Variants in RYR1 observed in about 807,000 individuals in gnomAD.
The protein encoded by RYR1 is ryanodine receptor 1.
A neutral mutation model predicts 583.5 loss-of-function variants in RYR1; 342 were observed. The ratio of observed to expected loss-of-function variants is 0.59; its 90% CI spans 0.54 to 0.64. The LOEUF is 0.64. RYR1 is among the 30% of genes least tolerant of loss of function. RYR1 has a pLI of 0.00. For synonymous variants in RYR1, 2,791 were observed against 2,822.5 expected, an observed-to-expected ratio of 0.99 and a Z score of 0.35; for missense variants, 6,032 against 6,917.2, an observed-to-expected ratio of 0.87 and a Z score of 4.54.
At chr19:38,442,830 C>T (rs1262324898) in intron 3 of RYR1, among the ~76,000 whole-genome samples, 1 of 152,190 alleles carries the variant, frequency 6.6e-6, no homozygotes, top group Non-Finnish European at 1.5e-5. Flanking sequence ...CTGCTCCTTT[C>T]TCCTCTTTCC....
At chr19:38,472,005 C>A (rs1302410238) in intron 27 of RYR1, among the ~76,000 whole-genome samples, 1 of 151,402 alleles carries the variant, frequency 6.6e-6, no homozygotes, top group Non-Finnish European at 1.5e-5. Flanking sequence ...ATCTTGGCAA[C>A]TGGTCCTTGG....
At chr19:38,550,069 TTTGAAACAC>T (rs1972602457) in intron 89 of RYR1, among the ~76,000 whole-genome samples, 2 of 152,036 alleles carry the variant, frequency 1.3e-5, no homozygotes, top group Admixed American at 1.3e-4. Flanking sequence ...TTCCCTTTAC[TTTGAAACAC>T]TTCAGCGTGT....
At chr19:38,514,307 G>T (rs1254697033) in intron 63 of RYR1, among the ~76,000 whole-genome samples, 4 of 146,150 alleles carry the variant, frequency 2.7e-5, no homozygotes, top group African/African-American at 1.0e-4. Context: ...TTGAGACAGA[G>T]TCTCGGTCTG....
intron 90 of RYR1, among the ~76,000 whole-genome samples, chr19:38,563,619 T>G (rs1478337202): frequency 6.6e-6 from 1 of 152,190 alleles, no homozygotes; most frequent in Non-Finnish European, 1.5e-5. Flanking sequence ...CAGCATCTAT[T>G]AACTCATTTA....
At chr19:38,468,001 A>ACATC (rs1656761944) in intron 25 of RYR1, 189 bp downstream of exon 25, 1 of 621,412 alleles carries the variant, frequency 1.6e-6, no homozygotes, top group Admixed American at 2.5e-5. Flanking sequence ...GATCTATCAG[A>ACATC]CATCCATCTA....
chr19:38,547,590 A>C (rs1265356621), intron 88 of RYR1, among the ~76,000 whole-genome samples: 1 of 152,078 alleles, frequency 6.6e-6, no homozygotes, highest in Non-Finnish European at 1.5e-5. Context: ...CTGGCTATGT[A>C]ACTTTGAGTG....
At chr19:38,453,118 G>A in intron 13 of RYR1, 104 bp downstream of exon 13, 2 of 1,244,424 alleles carry the variant, frequency 1.6e-6, no homozygotes, top group East Asian at 2.5e-5. Context: ...AGGGACCTGG[G>A]GAAGTAGGGT....
At position 38,543,748 on chromosome 19, in the gene RYR1, C is replaced by CCA. The variant is rs1568558144; in HGVS notation, c.11908-19_11908-18dup. 6.2e-7 allele frequency: 1 copy of CCA among 1,611,538 alleles called. No homozygotes were observed. Among genetic ancestry groups the CCA allele is most frequent in the Admixed American group, 1.7e-5 (1 of 59,968 alleles). ...CCCTTCTCGGGGATTCCCTTCCCCC[C>CCA]CACACGGCACTCTGCCTCCCAGGGT... On this transcript the variant is annotated intron_variant, in intron 86 of 105. Coordinates refer to ENST00000359596, the MANE Select transcript of RYR1 (RefSeq NM_000540.3). The surrounding 1 kb of genome is among the most constrained non-coding windows in gnomAD (Gnocchi z 4.4).
chr19:38,576,952 C>T (rs1451276820), intron 97 of RYR1, among the ~76,000 whole-genome samples: 2 of 152,030 alleles, frequency 1.3e-5, no homozygotes, highest in African/African-American at 4.8e-5. Flanking sequence ...GTGGCACAAT[C>T]TCAGCTCACT....
chr19:38,499,526 G>C lies in RYR1; in HGVS notation c.7028-109G>C. 1 of 1,312,222 alleles carries C rather than the reference G, an allele frequency of 7.6e-7. No individual in the cohort carries two copies. The allele number at this position is 1,312,222 out of a possible 1,614,324, so 81.3% of individuals were successfully genotyped here. A position where few individuals can be genotyped will look rare whatever the true frequency, so the allele number is the denominator to read the frequency against. On this transcript the variant is annotated intron_variant, in intron 43 of 105. Coordinates refer to ENST00000359596, the MANE Select transcript of RYR1 (RefSeq NM_000540.3). The surrounding 1 kb of genome is among the most constrained non-coding windows in gnomAD (Gnocchi z 7.3). ...GTTACCTCTGGAGGTGTTGGGTCCT[G>C]GAGCTGGATGGGACCTGTGTTACCC...
intron 89 of RYR1, among the ~76,000 whole-genome samples, chr19:38,560,749 A>G (rs1413183620): frequency 3.1e-4 from 47 of 149,464 alleles, no homozygotes; most frequent in South Asian, 6.3e-4. Flanking sequence ...AAAAAAAAAA[A>G]AGAGAAAGAA....
Position 38,511,608 on chromosome 19 carries a change from T to C in RYR1, c.9170T>C (p.Phe3057Ser). 6.2e-7 allele frequency: 1 copy of C among 1,614,100 alleles called. No homozygotes were observed. The highest frequency in any genetic ancestry group is 8.5e-7 in the Non-Finnish European group (1 of 1,180,016). ...CTCGTCCGCCACCGAGTCTCTCTCTTTGGTAAGTGGCTCCACACCTTCGGT... is the reference window on the plus strand; with the variant it reads ...CTCGTCCGCCACCGAGTCTCTCTCTCTGGTAAGTGGCTCCACACCTTCGGT... ...AALVRHRVSL[F>S]GTDAPAVVNC... Residue 3057 changes from phenylalanine to serine, a missense_variant and splice_region_variant, in exon 61 of 106, where the codon TTT becomes TCT. Physicochemically the swap from Phe to Ser is radical, Grantham distance 155. Around this residue, in one of 11 missense-constraint regions of RYR1, gnomAD observed 1,493 missense variants for 1,715.5 expected, o/e 0.87. Coordinates refer to ENST00000359596, the MANE Select transcript of RYR1 (RefSeq NM_000540.3).
At position 38,487,604 on chromosome 19, in the gene RYR1, G is replaced by A. The variant is rs537539835; in HGVS notation, c.5547+1402G>A. On this transcript the variant is annotated intron_variant, in intron 34 of 105. Coordinates refer to ENST00000359596, the MANE Select transcript of RYR1 (RefSeq NM_000540.3). ...CCTGACTTTGTGATCTGCCCACCTC[G>A]TCCTCCCAAAGTGCTGGAACTATAG... is the stretch of plus-strand genomic sequence containing the variant. Among the ~76,000 whole-genome samples the A allele has an allele frequency of 2.0e-4, 31 of 151,294 alleles. 1 individual carries two copies. Among genetic ancestry groups the A allele is most frequent in the Admixed American group, 1.3e-3 (19 of 15,182 alleles).
At chr19:38,570,747 G>A in intron 94 of RYR1, 54 bp downstream of exon 94, 4 of 1,400,204 alleles carry the variant, frequency 2.9e-6, no homozygotes, top group Non-Finnish European at 4.1e-6. Context: ...CTGTGGGATG[G>A]GAGGCTCAGC....
chr19:38,507,324 G>A lies in RYR1; in HGVS notation c.8816+372G>A, dbSNP rs1240980472. 4.3e-5 allele frequency among the ~76,000 whole-genome samples: 6 copies of A among 140,662 alleles called. No homozygotes were observed. In the East Asian group the frequency reaches 9.0e-4, roughly 21 times the overall value. The allele number at this position is 140,662 out of a possible 152,430, so 92.3% of individuals were successfully genotyped here. A position where few individuals can be genotyped will look rare whatever the true frequency, so the allele number is the denominator to read the frequency against. On this transcript the variant is annotated intron_variant, in intron 57 of 105. Transcript: ENST00000359596. Reference sequence around the variant, plus strand: ...GGTGGGGCCCGGGGAACAGAGGTAGGGCCAAAGAGGAAGAGGCTGAGAGGG... The same window carrying A: ...GGTGGGGCCCGGGGAACAGAGGTAGAGCCAAAGAGGAAGAGGCTGAGAGGG...
chr19:38,440,601 A>G, intron 1 of RYR1, 144 bp from the exon 2 acceptor site: 1 of 722,994 alleles, frequency 1.4e-6, no homozygotes, highest in Non-Finnish European at 2.3e-6. Context: ...AGTTGTCAGG[A>G]GCAGGTAGAG....
Position 38,528,308 on chromosome 19 carries a change from C to G in RYR1, c.10827C>G (p.Thr3609=), listed in dbSNP as rs1259807854. ...CTGTCCTGCTATCCCCTCCCCAGAC[C>G]GAGCACCCTTACAAGTCTAAGAAGG... The part of the protein sequence containing the change: ...VSAVLYYLDQ[T]EHPYKSKKAV... The change falls in exon 74 of 106, where the codon ACC becomes ACG. Residue 3609 remains threonine, a splice_region_variant and synonymous_variant. Transcript: ENST00000359596. 2 of 1,613,984 alleles carry G rather than the reference C, an allele frequency of 1.2e-6. No individual in the cohort carries two copies. The highest frequency in any genetic ancestry group is 1.7e-5 in the Admixed American group (1 of 60,008).
In RYR1 at chr19:38,523,316, G is replaced by A. The variant is rs750987143; in HGVS notation, c.10440+7G>A. 1.1e-4 allele frequency: 184 copies of A among 1,614,042 alleles called. No homozygotes were observed. Among genetic ancestry groups the A allele is most frequent in the Non-Finnish European group, 1.5e-4 (176 of 1,180,042 alleles). On this transcript the variant is annotated splice_region_variant and intron_variant, in intron 69 of 105. Coordinates refer to ENST00000359596, the MANE Select transcript of RYR1 (RefSeq NM_000540.3). ...CAAAAGCAAAATGGCTAAGGTCGGG[G>A]CTTGGTTCTGGGAGGAGCACTTGGC...
chr19:38,516,849 G>A (rs558815983), intron 65 of RYR1, among the ~76,000 whole-genome samples: 1 of 152,228 alleles, frequency 6.6e-6, no homozygotes, highest in East Asian at 1.9e-4. Flanking sequence ...GCTAGAATGA[G>A]GTGTGGACCT....
Sources: gnomAD v4.1 joint callset for allele counts (sites outside exome capture counted in the v4.1 genomes callset) on GRCh38, gnomAD v4.1.1 for gene constraint, gnomAD v4.1.1 regional missense constraint, Gnocchi (gnomAD v3.1) non-coding constraint, MANE v1.5 for transcripts, NCBI Gene and HGNC (gene_info 2026-07-23, HGNC 2026-07-21) for gene names.